The following SGCZ variants were observed in gnomAD, a reference collection of about 807,000 sequenced individuals.
SGCZ encodes the protein sarcoglycan zeta.
Under a neutral mutation model 41.3 loss-of-function variants are expected in SGCZ, and 40 were observed. The observed-to-expected ratio is 0.97, with a 90% CI of 0.75 to 1.26. The LOEUF is 1.26. Ranked by LOEUF, SGCZ falls within the 50% of genes most tolerant of loss-of-function variation. SGCZ has a pLI of 0.00. For synonymous variants in SGCZ, 206 were observed against 137.5 expected (o/e 1.50, Z -3.49); for missense variants, 552 against 369.8 (o/e 1.49, Z -4.04).
intron 1 of SGCZ, among the ~76,000 whole-genome samples, chr8:15,227,813 G>T (rs891762844): frequency 2.6e-5 from 4 of 152,184 alleles, no homozygotes; most frequent in Non-Finnish European, 5.9e-5. Context: ...GATGGATGGT[G>T]CATCTCACTA....
At chr8:14,222,690 T>C (rs13256764) in intron 4 of SGCZ, among the ~76,000 whole-genome samples, 36,254 of 151,990 alleles carry the variant, frequency 0.24, 5,554 homozygotes, top group Non-Finnish European at 0.34. Context: ...ACTGTTTTAT[T>C]GTATAAAGAT....
At chr8:15,228,130 A>C (rs187987194) in intron 1 of SGCZ, among the ~76,000 whole-genome samples, 42 of 152,332 alleles carry the variant, frequency 2.8e-4, no homozygotes, top group African/African-American at 3.6e-4. Flanking sequence ...AAGAGCTATT[A>C]ATGTTTTAGG....
At chr8:14,781,150 A>G (rs978668932) in intron 1 of SGCZ, among the ~76,000 whole-genome samples, 3 of 152,214 alleles carry the variant, frequency 2.0e-5, no homozygotes, top group Non-Finnish European at 2.9e-5. Flanking sequence ...TATTGAATTT[A>G]CTGCCTCTTT....
At chr8:14,671,817 G>A (rs1256776221) in intron 1 of SGCZ, among the ~76,000 whole-genome samples, 1 of 152,038 alleles carries the variant, frequency 6.6e-6, no homozygotes, top group Non-Finnish European at 1.5e-5. Context: ...ATTCCGTATT[G>A]AATATATATA....
At chr8:14,844,485 T>C (rs1039587162) in intron 1 of SGCZ, among the ~76,000 whole-genome samples, 5 of 152,180 alleles carry the variant, frequency 3.3e-5, no homozygotes, top group African/African-American at 9.6e-5. Flanking sequence ...TCAAATGCTA[T>C]GGTGTCATTT....
At chr8:14,363,974 A>G (rs1803615023) in intron 2 of SGCZ, among the ~76,000 whole-genome samples, 2 of 151,698 alleles carry the variant, frequency 1.3e-5, no homozygotes. Flanking sequence ...GAAGTAACAT[A>G]CTCCCACTCC....
chr8:14,536,864 T>C (rs1215924568), intron 2 of SGCZ, among the ~76,000 whole-genome samples: 23 of 151,978 alleles, frequency 1.5e-4, no homozygotes. Flanking sequence ...TACTTGTTAG[T>C]CTTCAGTGTT....
At position 14,780,338 on chromosome 8, in the gene SGCZ, G is replaced by A. The variant is rs369624968; in HGVS notation, c.40-225412C>T. On this transcript the variant is annotated intron_variant, in intron 1 of 7. Coordinates refer to ENST00000382080, the MANE Select transcript of SGCZ (RefSeq NM_139167.4). ...TGCAGTGAGCTGAGATTGCGCCATT[G>A]CACTCCAGCCTGGGCCACAGAGTGA... Among the ~76,000 whole-genome samples the A allele has an allele frequency of 3.6e-4, 52 of 146,266 alleles. No homozygotes were observed. In the Middle Eastern group the frequency reaches 0.011, roughly 31 times the overall value.
intron 1 of SGCZ, among the ~76,000 whole-genome samples, chr8:14,725,192 T>G (rs1810010374): frequency 6.6e-6 from 1 of 152,242 alleles, no homozygotes; most frequent in South Asian, 2.1e-4. Flanking sequence ...TTTTCATGGC[T>G]GAATAATATT....
chr8:14,987,336 T>A (rs1004269801), intron 1 of SGCZ, among the ~76,000 whole-genome samples: 1 of 151,916 alleles, frequency 6.6e-6, no homozygotes, highest in Non-Finnish European at 1.5e-5. Flanking sequence ...CAGAAATGAA[T>A]TCATTTCAAA....
intron 5 of SGCZ, among the ~76,000 whole-genome samples, chr8:14,109,543 T>C (rs1802311763): frequency 6.6e-6 from 1 of 152,162 alleles, no homozygotes. Flanking sequence ...AGATAAACTA[T>C]ACAATGTAAT....
intron 2 of SGCZ, among the ~76,000 whole-genome samples, chr8:14,328,128 A>C (rs1002704224): frequency 6.6e-6 from 1 of 152,240 alleles, no homozygotes; most frequent in Non-Finnish European, 1.5e-5. Flanking sequence ...GATAAAATGT[A>C]TAAAGCTGTA....
intron 1 of SGCZ, among the ~76,000 whole-genome samples, chr8:14,724,343 T>C (rs111351188): frequency 0.059 from 8,953 of 151,918 alleles, 751 homozygotes; most frequent in African/African-American, 0.19. Flanking sequence ...ATTATTTTTT[T>C]CCTATTTCTA....
chr8:15,096,582 A>G (rs576892572), intron 1 of SGCZ, among the ~76,000 whole-genome samples: 1 of 152,226 alleles, frequency 6.6e-6, no homozygotes, highest in East Asian at 1.9e-4. Flanking sequence ...AGGCCTGAGA[A>G]GCCTTAGAAA....
intron 1 of SGCZ, among the ~76,000 whole-genome samples, chr8:14,770,754 C>G (rs114191285): frequency 6.6e-6 from 1 of 151,958 alleles, no homozygotes; most frequent in Non-Finnish European, 1.5e-5. Flanking sequence ...AAGTTCATAA[C>G]CCTGTGATTG....
chr8:14,691,050 C>A (rs995922574), intron 1 of SGCZ, among the ~76,000 whole-genome samples: 1 of 152,110 alleles, frequency 6.6e-6, no homozygotes, highest in Non-Finnish European at 1.5e-5. Context: ...GTTAATAAGT[C>A]CTACTATATG....
chr8:14,192,394 C>A (rs373104395), intron 4 of SGCZ, among the ~76,000 whole-genome samples: 2 of 151,796 alleles, frequency 1.3e-5, no homozygotes, highest in African/African-American at 4.8e-5. Flanking sequence ...TATTGCTACA[C>A]GCTTTTTATT....
intron 7 of SGCZ, among the ~76,000 whole-genome samples, chr8:14,091,732 G>C (rs28853919): frequency 0.59 from 89,077 of 152,008 alleles, 26,726 homozygotes; most frequent in East Asian, 0.82. Flanking sequence ...GATATTAACC[G>C]TTTGTCAGAT....
chr8:14,152,038 A>G (rs958742213), intron 5 of SGCZ, among the ~76,000 whole-genome samples: 1 of 152,134 alleles, frequency 6.6e-6, no homozygotes, highest in African/African-American at 2.4e-5. Flanking sequence ...TAGTTCTTAT[A>G]TTTTACACCA....
Sources: allele counts gnomAD v4.1 joint callset (sites outside exome capture counted in the v4.1 genomes callset), GRCh38; gene constraint gnomAD v4.1.1; transcripts MANE v1.5; gene names NCBI Gene and HGNC (gene_info 2026-07-23, HGNC 2026-07-21).